The following RMST variants were observed in gnomAD, a reference collection of about 807,000 sequenced individuals.
RMST encodes long intergenic non-protein coding RNA 54.
intron 5 of RMST, among the ~76,000 whole-genome samples, chr12:97,472,560 G>A (rs1468169082): frequency 6.6e-6 from 1 of 152,114 alleles, no homozygotes; most frequent in African/African-American, 2.4e-5. Flanking sequence ...GTTACTTACT[G>A]ATTGGATCTC....
chr12:97,495,176 T>TGGTG (rs1555230755), intron 9 of RMST, among the ~76,000 whole-genome samples: 1 of 146,448 alleles, frequency 6.8e-6, no homozygotes, highest in East Asian at 2.0e-4. Context: ...ATTATTCTTA[T>TGGTG]GGGGGGGGAG....
chr12:97,482,433 A>C (rs1372370313), intron 5 of RMST, among the ~76,000 whole-genome samples: 3 of 151,966 alleles, frequency 2.0e-5, no homozygotes. Flanking sequence ...GTAGCTTCCC[A>C]TTACTCCTCA....
chr12:97,519,037 CAA>C (rs997055926), intron 10 of RMST, among the ~76,000 whole-genome samples: 8 of 152,284 alleles, frequency 5.3e-5, no homozygotes, highest in African/African-American at 1.9e-4. Flanking sequence ...CTTGGCCTCC[CAA>C]AGTGTCGGGA....
At chr12:97,487,444 C>T (rs1876235002) in intron 5 of RMST, among the ~76,000 whole-genome samples, 1 of 151,984 alleles carries the variant, frequency 6.6e-6, no homozygotes, top group Admixed American at 6.6e-5. Context: ...TTAAAAGAGA[C>T]CTAAACATGC....
intron 10 of RMST, among the ~76,000 whole-genome samples, chr12:97,507,287 T>TAAAA (rs143392654): frequency 6.9e-6 from 1 of 145,526 alleles, no homozygotes; most frequent in Non-Finnish European, 1.5e-5. Context: ...TTTTTTTTTT[T>TAAAA]AAAAAAAAAA....
intron 13 of RMST, chr12:97,564,005 C>T (rs1484960706): frequency 5.3e-6 from 2 of 374,896 alleles, no homozygotes; most frequent in South Asian, 2.1e-5. Flanking sequence ...CTGCTACCTG[C>T]CTGGTGTTCC....
chr12:97,523,209 A>G (rs536942466), intron 10 of RMST, among the ~76,000 whole-genome samples: 95 of 152,358 alleles, frequency 6.2e-4, no homozygotes, highest in South Asian at 3.1e-3. Context: ...AATATAAACT[A>G]TGACTGTATA....
intron 10 of RMST, among the ~76,000 whole-genome samples, chr12:97,498,642 G>A (rs1340689154): frequency 1.3e-5 from 2 of 152,048 alleles, no homozygotes; most frequent in Admixed American, 6.6e-5. Flanking sequence ...AAATATTAAA[G>A]AAAATTCTGT....
chr12:97,524,000 C>G (rs1270881744), intron 10 of RMST, among the ~76,000 whole-genome samples: 1 of 137,804 alleles, frequency 7.3e-6, no homozygotes, highest in Non-Finnish European at 1.5e-5. Flanking sequence ...GGCGTGACCC[C>G]GGGAGGCGGA....
chr12:97,488,034 G>A (rs1387341486), intron 5 of RMST, among the ~76,000 whole-genome samples: 1 of 152,128 alleles, frequency 6.6e-6, no homozygotes, highest in African/African-American at 2.4e-5. Context: ...CTGTCTCTGG[G>A]ACATGCCATC....
chr12:97,497,986 G>GA (rs1342091922), intron 10 of RMST, among the ~76,000 whole-genome samples: 9 of 152,084 alleles, frequency 5.9e-5, no homozygotes, highest in Non-Finnish European at 1.3e-4. Context: ...CATGGTTCAG[G>GA]TCAAATACCT....
intron 11 of RMST, among the ~76,000 whole-genome samples, chr12:97,552,940 C>A (rs187249991): frequency 5.9e-5 from 9 of 152,250 alleles, no homozygotes; most frequent in Admixed American, 4.6e-4. Flanking sequence ...AAGAGTGAGC[C>A]TACAAAAGGC....
intron 10 of RMST, among the ~76,000 whole-genome samples, chr12:97,500,374 A>T (rs1877951761): frequency 6.6e-6 from 1 of 152,176 alleles, no homozygotes; most frequent in Admixed American, 6.5e-5. Flanking sequence ...GACTGAAATC[A>T]GGAAGCACGA....
intron 10 of RMST, among the ~76,000 whole-genome samples, chr12:97,504,403 C>CAAA (rs5800313): frequency 1.8e-5 from 1 of 56,582 alleles, no homozygotes; most frequent in African/African-American, 5.6e-5. Context: ...GACTTCATTT[C>CAAA]AAAAAAAAAA....
intron 10 of RMST, among the ~76,000 whole-genome samples, chr12:97,524,171 C>T (rs1383070210): frequency 1.3e-5 from 2 of 150,948 alleles, no homozygotes; most frequent in African/African-American, 4.9e-5. Context: ...CTGTAACATC[C>T]GTGGTGGAAT....
chr12:97,534,963 G>A (rs1398751655), intron 11 of RMST, among the ~76,000 whole-genome samples: 1 of 151,556 alleles, frequency 6.6e-6, no homozygotes, highest in East Asian at 1.9e-4. Flanking sequence ...TACTATAAGC[G>A]ATTTTATTCT....
At chr12:97,517,017 T>G (rs1880006277) in intron 10 of RMST, among the ~76,000 whole-genome samples, 1 of 151,972 alleles carries the variant, frequency 6.6e-6, no homozygotes, top group South Asian at 2.1e-4. Context: ...ATTACATAAT[T>G]TAGCCTATAA....
intron 13 of RMST, among the ~76,000 whole-genome samples, chr12:97,562,861 C>T (rs1884224634): frequency 6.6e-6 from 1 of 152,140 alleles, no homozygotes; most frequent in Admixed American, 6.5e-5. Flanking sequence ...GCCTTTACTC[C>T]TAAGGAGGAA....
intron 5 of RMST, among the ~76,000 whole-genome samples, chr12:97,474,770 T>C (rs897140417): frequency 2.0e-5 from 3 of 152,114 alleles, no homozygotes; most frequent in African/African-American, 4.8e-5. Flanking sequence ...GATTCAGCTA[T>C]TCCCAGTTTC....
Sources: allele counts gnomAD v4.1 joint callset (sites outside exome capture counted in the v4.1 genomes callset), GRCh38; gene constraint gnomAD v4.1.1; transcripts MANE v1.5; gene names NCBI Gene and HGNC (gene_info 2026-07-23, HGNC 2026-07-21).